The following ATG4A variants were observed in gnomAD, a reference collection of about 807,000 sequenced individuals.
The protein encoded by ATG4A is autophagy related 4A cysteine peptidase.
In ATG4A, 22 loss-of-function variants were observed where a neutral mutation model predicts 38.4. The ratio of observed to expected loss-of-function variants is 0.57; its 90% CI spans 0.41 to 0.82. ATG4A has a LOEUF of 0.82. Among genes scored for constraint, ATG4A ranks in the 40% least tolerant of loss-of-function variants. The probability of loss-of-function intolerance (pLI) is 0.00; values close to 1 mark genes in which losing one functional copy is unlikely to be tolerated. For synonymous variants in ATG4A, 86 were observed against 100.7 expected, an observed-to-expected ratio of 0.85 and a Z score of 0.88; for missense variants, 220 against 290.0, an observed-to-expected ratio of 0.76 and a Z score of 1.75.
At chrX:108,114,738 G>A (rs1399082159) in intron 1 of ATG4A, among the ~76,000 whole-genome samples, 4 of 109,913 alleles carry the variant, frequency 3.6e-5, no homozygotes, top group Non-Finnish European at 7.6e-5. Flanking sequence ...TTTTTAATTG[G>A]TAAAGTCTCT....
upstream of ATG4A, chrX:108,091,747 C>A: frequency 8.6e-7 from 1 of 1,169,123 alleles, no homozygotes; most frequent in Non-Finnish European, 1.2e-6. Flanking sequence ...CAGTGCAGAA[C>A]TACAAGTCCC....
At chrX:108,130,772 C>G (rs1365435241) in intron 3 of ATG4A, among the ~76,000 whole-genome samples, 1 of 111,731 alleles carries the variant, frequency 9.0e-6, no homozygotes, top group Non-Finnish European at 1.9e-5. Context: ...AGTGTATATT[C>G]AGAATAGTCA....
intron 1 of ATG4A, among the ~76,000 whole-genome samples, chrX:108,092,267 A>G (rs967375728): frequency 1.8e-5 from 2 of 111,977 alleles, no homozygotes; most frequent in Admixed American, 9.4e-5. Flanking sequence ...GTGAGTCCAT[A>G]GCCTGGTGAC....
chrX:108,143,268 T>C (rs768409974), intron 9 of ATG4A, among the ~76,000 whole-genome samples: 1 of 112,299 alleles, frequency 8.9e-6, no homozygotes, highest in Non-Finnish European at 1.9e-5. Context: ...TAGCTAGTAT[T>C]GATGACTACC....
chrX:108,131,151 T>C, intron 3 of ATG4A, 109 bp from the exon 4 acceptor site: 1 of 687,562 alleles, frequency 1.5e-6, no homozygotes, highest in Non-Finnish European at 2.3e-6. Flanking sequence ...TCACCTCACT[T>C]TTCAGAGTAT....
intron 1 of ATG4A, among the ~76,000 whole-genome samples, chrX:108,122,572 G>A (rs2032683325): frequency 8.9e-6 from 1 of 111,745 alleles, no homozygotes; most frequent in Admixed American, 9.5e-5. Context: ...CACCAGAGGA[G>A]ACAGAATAGG....
chrX:108,133,768 AT>A (rs1265587260), intron 4 of ATG4A, among the ~76,000 whole-genome samples: 1 of 112,122 alleles, frequency 8.9e-6, no homozygotes, highest in Non-Finnish European at 1.9e-5. Context: ...CCTTTGTGAC[AT>A]TGTTTTTATG....
chrX:108,127,901 A>T (rs1030284830), intron 2 of ATG4A, among the ~76,000 whole-genome samples: 2 of 112,233 alleles, frequency 1.8e-5, no homozygotes, highest in Non-Finnish European at 3.8e-5. Flanking sequence ...AATTTATGTC[A>T]TAAAATACAA....
chrX:108,119,458 CACAA>C (rs1202505441), intron 1 of ATG4A, among the ~76,000 whole-genome samples: 5 of 111,801 alleles, frequency 4.5e-5, no homozygotes, highest in Non-Finnish European at 7.5e-5. Flanking sequence ...TTTTTATACA[CACAA>C]ACAAGTTTCA....
At chrX:108,129,399 A>G (rs1278633829) in intron 3 of ATG4A, among the ~76,000 whole-genome samples, 1 of 111,422 alleles carries the variant, frequency 9.0e-6, no homozygotes, top group Non-Finnish European at 1.9e-5. Context: ...CTGTCTTCAT[A>G]AAGGATATAC....
intron 1 of ATG4A, among the ~76,000 whole-genome samples, chrX:108,106,045 T>C (rs1289254038): frequency 8.9e-6 from 1 of 111,842 alleles, no homozygotes; most frequent in African/African-American, 3.3e-5. Context: ...GGTCTTCCTG[T>C]AGGGGAACAA....
rs1371890591 is a variant in ATG4A at position 108,137,112 on chromosome X, A to G, written c.489A>G (p.Glu163=). ...GCAGAAAACTTGCTTTATTTGACGA[A>G]TGGAATTCCTTGGCTGTTTATGTTT... ...QVLKKLALFD[E]WNSLAVYVSM... is the part of the protein sequence containing the mutation. The change falls in exon 7 of 13, where the codon GAA becomes GAG. Residue 163 remains glutamate, a synonymous_variant. Transcript: ENST00000372232. 1 of 1,204,886 alleles carries G rather than the reference A, an allele frequency of 8.3e-7. No individual in the cohort carries two copies.
At chrX:108,120,402 G>A (rs1207913543) in intron 1 of ATG4A, among the ~76,000 whole-genome samples, 1 of 112,018 alleles carries the variant, frequency 8.9e-6, no homozygotes, top group African/African-American at 3.2e-5. Context: ...CTATGTGTTA[G>A]TACATTCCTG....
intron 1 of ATG4A, among the ~76,000 whole-genome samples, chrX:108,110,036 A>G (rs959910283): frequency 3.6e-5 from 4 of 110,126 alleles, no homozygotes; most frequent in African/African-American, 1.3e-4. Context: ...GAATAATTGT[A>G]CATGTTTATG....
At chrX:108,150,004 A>T in intron 9 of ATG4A, 148 bp from the exon 10 acceptor site, 1 of 642,294 alleles carries the variant, frequency 1.6e-6, no homozygotes, top group Non-Finnish European at 2.4e-6. Flanking sequence ...TCCTTTAAGC[A>T]TGCTCACCCT....
chrX:108,114,331 A>C (rs1191476002), intron 1 of ATG4A, among the ~76,000 whole-genome samples: 1 of 111,676 alleles, frequency 9.0e-6, no homozygotes, highest in Non-Finnish European at 1.9e-5. Flanking sequence ...TGGAGAAGGT[A>C]TTATCTCTAT....
At chrX:108,126,740 G>C in intron 2 of ATG4A, 1 of 979,763 alleles carries the variant, frequency 1.0e-6, no homozygotes, top group Non-Finnish European at 1.3e-6. Context: ...AGCCACTGCA[G>C]CTAGATGGAA....
chrX:108,146,627 C>T (rs1390146934), intron 9 of ATG4A, among the ~76,000 whole-genome samples: 1 of 111,642 alleles, frequency 9.0e-6, no homozygotes, highest in Non-Finnish European at 1.9e-5. Context: ...ATGTTCTGCC[C>T]TCACAAATCT....
At chrX:108,149,704 C>T (rs1487202007) in intron 9 of ATG4A, among the ~76,000 whole-genome samples, 2 of 112,155 alleles carry the variant, frequency 1.8e-5, no homozygotes, top group Non-Finnish European at 3.8e-5. Flanking sequence ...CCTCCCTTAC[C>T]AGAGGTGCTT....
Sources: allele counts gnomAD v4.1 joint callset (sites outside exome capture counted in the v4.1 genomes callset), GRCh38; gene constraint gnomAD v4.1.1; transcripts MANE v1.5; gene names NCBI Gene and HGNC (gene_info 2026-07-23, HGNC 2026-07-21).